MEIS2: variants seen among roughly 807,000 people sequenced by gnomAD.
MEIS2 encodes the protein homeobox protein Meis2.
Under a neutral mutation model 58.6 loss-of-function variants are expected in MEIS2, and 9 were observed. That is an observed-to-expected ratio of 0.15 (90% CI 0.09 to 0.27). The LOEUF (loss-of-function observed/expected upper bound fraction) is 0.27, where lower values mean the gene tolerates loss of function less well. Ranked by LOEUF, MEIS2 falls within the 10% of genes least tolerant of loss-of-function variation. The pLI is 1.00. For synonymous variants in MEIS2, 221 were observed against 228.4 expected, an observed-to-expected ratio of 0.97 and a Z score of 0.29; for missense variants, 427 against 635.0, an observed-to-expected ratio of 0.67 and a Z score of 3.52.
chr15:37,007,069 C>T (rs994807762), intron 8 of MEIS2, among the ~76,000 whole-genome samples: 3 of 152,176 alleles, frequency 2.0e-5, no homozygotes, highest in African/African-American at 7.2e-5. Flanking sequence ...AGAATAATAA[C>T]AGTGTATAAG....
chr15:37,013,069 C>T (rs1364991308), intron 8 of MEIS2, among the ~76,000 whole-genome samples: 1 of 152,180 alleles, frequency 6.6e-6, no homozygotes, highest in Non-Finnish European at 1.5e-5. Context: ...GTTGATTCTT[C>T]TTCCCTAGGA....
chr15:36,975,327 A>G (rs564896613), intron 8 of MEIS2, among the ~76,000 whole-genome samples: 1 of 152,196 alleles, frequency 6.6e-6, no homozygotes, highest in South Asian at 2.1e-4. Flanking sequence ...TCAGGTACAG[A>G]TACTTCCCAA....
rs1313026565 is a variant in MEIS2 at position 37,100,130 on chromosome 15, C to G, written c.-664G>C. 1 of 141,702 alleles carries G rather than the reference C, an allele frequency of 7.1e-6. No homozygotes were observed. The highest frequency in any genetic ancestry group is 1.5e-5 in the Non-Finnish European group (1 of 65,678). The allele number at this position is 141,702 out of a possible 1,614,324, so 8.8% of individuals were successfully genotyped here. ...CCCGCGGTATCTATAATACGATCCT[C>G]TCTCTTTAAAGTATTGTTCAAAGAA... On this transcript the variant is annotated 5_prime_UTR_variant, in exon 1 of 12. Coordinates refer to ENST00000561208, the MANE Select transcript of MEIS2 (RefSeq NM_170675.5).
intron 9 of MEIS2, among the ~76,000 whole-genome samples, chr15:36,911,044 CAAA>C (rs1187244002): frequency 1.2e-5 from 1 of 83,260 alleles, no homozygotes; most frequent in Non-Finnish European, 2.4e-5. Flanking sequence ...GACTCTGTCT[CAAA>C]AAAAAAAAAA....
At position 37,014,039 on chromosome 15, in the gene MEIS2, T is replaced by C. The variant is rs951053397; in HGVS notation, c.900+22775A>G. ...AGAGACTTAATGGCAAGATGAAATT[T>C]TGGAGGCTTTGAGTGGTGGTGGTAG... On this transcript the variant is annotated intron_variant, in intron 8 of 11. Transcript: ENST00000561208. Among the ~76,000 whole-genome samples the C allele has an allele frequency of 2.0e-5, 3 of 152,140 alleles. No homozygotes were observed. The South Asian group carries it at 6.2e-4, about 31-fold the overall frequency.
chr15:37,042,084 G>A (rs1595992244), intron 7 of MEIS2, among the ~76,000 whole-genome samples: 3 of 152,232 alleles, frequency 2.0e-5, no homozygotes, highest in Admixed American at 1.3e-4. Flanking sequence ...CCAAGAGTTC[G>A]AGGCTGCAGT....
chr15:36,900,857 T>A (rs2056435056), intron 9 of MEIS2: 1 of 152,228 alleles, frequency 6.6e-6, no homozygotes. Context: ...TTTTCTTTAT[T>A]CCTTTCTTTC....
At chr15:36,927,253 T>C (rs1015200794) in intron 9 of MEIS2, among the ~76,000 whole-genome samples, 2 of 151,886 alleles carry the variant, frequency 1.3e-5, no homozygotes, top group Non-Finnish European at 2.9e-5. Context: ...TGATGAGTGA[T>C]GATGGGGGGG....
chr15:37,008,576 G>A (rs538807192), intron 8 of MEIS2, among the ~76,000 whole-genome samples: 5 of 152,254 alleles, frequency 3.3e-5, no homozygotes, highest in African/African-American at 1.2e-4. Flanking sequence ...AAAGTTGAGT[G>A]GGATCTTTAG....
At chr15:36,940,839 T>C (rs1036888467) in intron 9 of MEIS2, among the ~76,000 whole-genome samples, 3 of 152,192 alleles carry the variant, frequency 2.0e-5, no homozygotes, top group African/African-American at 4.8e-5. Context: ...CTGGACTTGA[T>C]GGGGTCATAG....
chr15:36,992,335 G>C (rs575613142), intron 8 of MEIS2, among the ~76,000 whole-genome samples: 1 of 152,112 alleles, frequency 6.6e-6, no homozygotes, highest in South Asian at 2.1e-4. Context: ...GTTTTTTTAA[G>C]ACTAAATGTA....
chr15:37,088,646 A>G (rs1168297365), intron 6 of MEIS2, among the ~76,000 whole-genome samples: 1 of 152,144 alleles, frequency 6.6e-6, no homozygotes, highest in Admixed American at 6.5e-5. Context: ...AAATGTAAAT[A>G]AAGCTGGGGT....
At chr15:36,994,297 A>G (rs1452157553) in intron 8 of MEIS2, among the ~76,000 whole-genome samples, 1 of 152,190 alleles carries the variant, frequency 6.6e-6, no homozygotes, top group South Asian at 2.1e-4. Flanking sequence ...GGAAGTTATC[A>G]AGGGTTTTCA....
chr15:36,966,561 T>C (rs1033655650), intron 8 of MEIS2, among the ~76,000 whole-genome samples: 10 of 152,150 alleles, frequency 6.6e-5, no homozygotes, highest in African/African-American at 2.4e-4. Context: ...GTTTATAAAA[T>C]AGGAAAATTA....
intron 9 of MEIS2, among the ~76,000 whole-genome samples, chr15:36,917,480 T>C (rs920341828): frequency 3.3e-5 from 5 of 152,234 alleles, no homozygotes; most frequent in Non-Finnish European, 7.3e-5. Context: ...AACAGGCCCA[T>C]GCTAATTTTC....
intron 8 of MEIS2, among the ~76,000 whole-genome samples, chr15:37,000,913 C>A (rs1374836043): frequency 3.3e-5 from 5 of 152,164 alleles, no homozygotes. Flanking sequence ...CCGGACCCCC[C>A]ACTCTGTCCT....
intron 8 of MEIS2, among the ~76,000 whole-genome samples, chr15:37,000,909 C>G (rs1426649706): frequency 1.3e-5 from 2 of 152,064 alleles, no homozygotes; most frequent in Non-Finnish European, 2.9e-5. Context: ...ACTTCCGGAC[C>G]CCCCACTCTG....
At chr15:37,026,858 A>C (rs1328267970) in intron 8 of MEIS2, among the ~76,000 whole-genome samples, 1 of 152,240 alleles carries the variant, frequency 6.6e-6, no homozygotes, top group African/African-American at 2.4e-5. Flanking sequence ...AAGAAAAATT[A>C]TCTGCCATTA....
chr15:36,948,694 T>C (rs1333994931), intron 9 of MEIS2, among the ~76,000 whole-genome samples: 2 of 151,998 alleles, frequency 1.3e-5, no homozygotes, highest in Non-Finnish European at 2.9e-5. Flanking sequence ...AAGTCTCCTG[T>C]AGTTAACAAA....
Sources: gnomAD v4.1 joint callset for allele counts (sites outside exome capture counted in the v4.1 genomes callset) on GRCh38, gnomAD v4.1.1 for gene constraint, MANE v1.5 for transcripts, NCBI Gene and HGNC (gene_info 2026-07-23, HGNC 2026-07-21) for gene names.